The following MROH9 variants were observed in gnomAD, a reference collection of about 807,000 sequenced individuals.
MROH9 encodes the protein maestro heat-like repeat-containing protein family member 9.
Under a neutral mutation model 98.2 loss-of-function variants are expected in MROH9, and 92 were observed. The observed-to-expected ratio is 0.94, with a 90% CI of 0.79 to 1.11. The LOEUF is 1.11. MROH9 is among the 50% of genes most tolerant of loss of function. The pLI, the probability that MROH9 is intolerant of heterozygous loss-of-function variation, is 0.00. For missense variants in MROH9, 1,057 were observed against 1,014.8 expected (o/e 1.04, Z -0.57); for synonymous variants, 397 against 368.9 (o/e 1.08, Z -0.87).
intron 7 of MROH9, 148 bp downstream of exon 7, chr1:170,965,403 A>G (rs1650195371): frequency 1.8e-6 from 1 of 551,090 alleles, no homozygotes; most frequent in Non-Finnish European, 3.3e-6. Context: ...AAAGGAGTCA[A>G]TATCCCACAT....
chr1:171,018,370 A>G (rs1652399436), intron 17 of MROH9, among the ~76,000 whole-genome samples: 1 of 152,186 alleles, frequency 6.6e-6, no homozygotes, highest in Non-Finnish European at 1.5e-5. Context: ...CAAAAAAAAA[A>G]AAGTCCCCAC....
chr1:170,981,529 G>C (rs1265112253), intron 8 of MROH9, among the ~76,000 whole-genome samples: 1 of 152,014 alleles, frequency 6.6e-6, no homozygotes, highest in East Asian at 1.9e-4. Flanking sequence ...CAAACCACGT[G>C]TTCTCACTCT....
intron 20 of MROH9, among the ~76,000 whole-genome samples, chr1:171,042,641 C>G (rs1009198309): frequency 6.6e-6 from 1 of 152,096 alleles, no homozygotes; most frequent in Non-Finnish European, 1.5e-5. Flanking sequence ...ACATCCTCAC[C>G]AGCATTTGTT....
chr1:170,983,704 C>A (rs1459268829), intron 9 of MROH9, among the ~76,000 whole-genome samples, 170 bp downstream of exon 9: 1 of 152,010 alleles, frequency 6.6e-6, no homozygotes, highest in Admixed American at 6.6e-5. Context: ...ATTTTCATCT[C>A]TATTAATAGT....
chr1:171,013,798 T>A (rs564422919), intron 15 of MROH9, among the ~76,000 whole-genome samples: 1 of 151,944 alleles, frequency 6.6e-6, no homozygotes, highest in Admixed American at 6.6e-5. Context: ...ACTCACAACC[T>A]GACTACAATC....
chr1:171,028,929 T>C (rs1229002459), intron 20 of MROH9, among the ~76,000 whole-genome samples: 1 of 152,184 alleles, frequency 6.6e-6, no homozygotes, highest in Non-Finnish European at 1.5e-5. Context: ...GGTGATGGAG[T>C]TTTCTAAATA....
In MROH9 at chr1:171,024,668, A is replaced by C; in HGVS notation, c.2081A>C (p.Lys694Thr). 1.9e-6 allele frequency: 3 copies of C among 1,550,808 alleles called. No individual in the cohort carries two copies. The highest frequency in any genetic ancestry group is 2.6e-6 in the Non-Finnish European group (3 of 1,146,434). Residue 694 changes from lysine (K) to threonine (T), a missense_variant, in exon 19 of 22, where the codon AAA (lysine) becomes ACA (threonine). Lys to Thr is a moderately conservative substitution (Grantham distance 78). Coordinates refer to ENST00000367759, the MANE Select transcript of MROH9 (RefSeq NM_001163629.2). ...TCACAGGCATGTAAATATACATTAA[A>C]AATCTGTACCTCACAATTAAAGTGG... ...RVAEACKYTL[K>T]ICTSQLKWST...
intron 13 of MROH9, 122 bp downstream of exon 13, chr1:170,995,653 C>T: frequency 1.8e-6 from 2 of 1,126,066 alleles, no homozygotes; most frequent in Non-Finnish European, 2.5e-6. Flanking sequence ...TCATTTATTA[C>T]AGTTTTCTCT....
intron 15 of MROH9, among the ~76,000 whole-genome samples, chr1:171,006,110 G>T (rs1003032286): frequency 2.0e-5 from 3 of 152,072 alleles, no homozygotes; most frequent in Non-Finnish European, 4.4e-5. Flanking sequence ...TGTAAGTTAG[G>T]TCTCATGGTT....
chr1:170,956,218 G>A (rs1443238454), intron 3 of MROH9, among the ~76,000 whole-genome samples: 2 of 152,108 alleles, frequency 1.3e-5, no homozygotes. Context: ...GGTGACTATG[G>A]CCTTATAGTA....
chr1:171,048,665 T>C (rs1056857075), intron 20 of MROH9, among the ~76,000 whole-genome samples: 1 of 152,106 alleles, frequency 6.6e-6, no homozygotes, highest in African/African-American at 2.4e-5. Flanking sequence ...GGATCTAAGG[T>C]GCAAGAGAAA....
At chr1:171,014,326 C>A (rs1015754104) in intron 16 of MROH9, 72 bp downstream of exon 16, 3 of 1,365,004 alleles carry the variant, frequency 2.2e-6, no homozygotes, top group African/African-American at 2.9e-5. Context: ...CACTTAACAT[C>A]TTCACTGACA....
intron 1 of MROH9, among the ~76,000 whole-genome samples, chr1:170,937,244 C>A (rs1648921630): frequency 6.6e-6 from 1 of 152,192 alleles, no homozygotes; most frequent in East Asian, 1.9e-4. Flanking sequence ...GCACTAAACC[C>A]TTCTCAGAGG....
At chr1:171,057,970 G>GA (rs397960610) in intron 20 of MROH9, among the ~76,000 whole-genome samples, 18,466 of 151,758 alleles carry the variant, frequency 0.12, 1,224 homozygotes, top group Middle Eastern at 0.22. Flanking sequence ...AATATGGGGG[G>GA]AAAAAAACAC....
rs778063644 is a variant in MROH9 at position 170,959,519 on chromosome 1, T to C, written c.210T>C (p.Phe70=). 2.5e-6 allele frequency: 4 copies of C among 1,613,632 alleles called. No homozygotes were observed. The highest frequency in any genetic ancestry group is 3.4e-6 in the Non-Finnish European group (4 of 1,179,810). Residue 70 remains phenylalanine (F), a synonymous_variant, in exon 5 of 22, where the codon TTT becomes TTC. Transcript: ENST00000367759. ...ESQLKIIESS[F]GMLVVMPSLD... is the part of the protein sequence containing the mutation. Reference sequence around the variant, plus strand: ...AGTTGAAGATAATAGAGTCATCCTTTGGAATGCTAGTTGTCATGCCAAGTC... The same window carrying C: ...AGTTGAAGATAATAGAGTCATCCTTCGGAATGCTAGTTGTCATGCCAAGTC...
intron 6 of MROH9, among the ~76,000 whole-genome samples, 188 bp from the exon 7 acceptor site, chr1:170,964,963 A>G (rs1650173715): frequency 6.6e-6 from 1 of 152,036 alleles, no homozygotes; most frequent in African/African-American, 2.4e-5. Context: ...ACCCAGATAC[A>G]GTTTCCATAG....
At chr1:170,981,320 T>C (rs1650920883) in intron 8 of MROH9, among the ~76,000 whole-genome samples, 1 of 152,166 alleles carries the variant, frequency 6.6e-6, no homozygotes, top group South Asian at 2.1e-4. Context: ...CATATGTTTA[T>C]TGCAGCACTA....
chr1:170,974,863 A>G (rs1650620858), intron 8 of MROH9, among the ~76,000 whole-genome samples: 1 of 152,040 alleles, frequency 6.6e-6, no homozygotes, highest in Non-Finnish European at 1.5e-5. Context: ...ACTTAAAGGG[A>G]AAAATGTATA....
At chr1:171,032,825 C>A (rs376427127) in intron 20 of MROH9, among the ~76,000 whole-genome samples, 2 of 152,168 alleles carry the variant, frequency 1.3e-5, no homozygotes, top group African/African-American at 2.4e-5. Flanking sequence ...CCACACCAGG[C>A]GGGAAACCCA....
Sources: gnomAD v4.1 joint callset for allele counts (sites outside exome capture counted in the v4.1 genomes callset) on GRCh38, gnomAD v4.1.1 for gene constraint, MANE v1.5 for transcripts, NCBI Gene and HGNC (gene_info 2026-07-23, HGNC 2026-07-21) for gene names.